PPFIBP1: variants seen among roughly 807,000 people sequenced by gnomAD.
PPFIBP1 encodes liprin-beta-1.
Under a neutral mutation model 137.8 loss-of-function variants are expected in PPFIBP1, and 112 were observed. The ratio of observed to expected loss-of-function variants is 0.81; its 90% CI spans 0.70 to 0.95. PPFIBP1 has a LOEUF of 0.95. Ranked by LOEUF, PPFIBP1 falls within the 40% of genes least tolerant of loss-of-function variation. The pLI is 0.00. For missense variants in PPFIBP1, 1,083 were observed against 1,196.6 expected (o/e 0.91, Z 1.40); for synonymous variants, 378 against 417.3 (o/e 0.91, Z 1.15).
intron 2 of PPFIBP1, among the ~76,000 whole-genome samples, chr12:27,603,546 G>T (rs1482389986): frequency 6.6e-6 from 1 of 152,170 alleles, no homozygotes; most frequent in East Asian, 1.9e-4. Context: ...TCCCCCACTG[G>T]ATTGGAGCCT....
intron 15 of PPFIBP1, 36 bp from the exon 16 acceptor site, chr12:27,673,731 C>T: frequency 6.4e-7 from 1 of 1,568,766 alleles, no homozygotes; most frequent in Non-Finnish European, 8.8e-7. Flanking sequence ...GGCACTGGAG[C>T]CACTTATTAT....
chr12:27,648,833 G>A (rs2058701950), intron 6 of PPFIBP1, among the ~76,000 whole-genome samples: 1 of 150,956 alleles, frequency 6.6e-6, no homozygotes, highest in Non-Finnish European at 1.5e-5. Context: ...GTAGAGGGGT[G>A]GTTACCATAG....
At position 27,635,088 on chromosome 12, in the gene PPFIBP1, G is replaced by C; in HGVS notation, c.243G>C (p.Thr81=). ...RCQIPDSTAE[T]LVEWLQSQMT... ...AGATCCCAGATTCAACAGCAGAAAC[G>C]CTTGTTGAATGGCTTCAGAGTCAAA... Residue 81 remains threonine, a synonymous_variant, in exon 4 of 30, where the codon ACG becomes ACC. Coordinates refer to ENST00000228425, the MANE Select transcript of PPFIBP1 (RefSeq NM_003622.4). The C allele has an allele frequency of 1.2e-6, 2 of 1,613,918 alleles. No homozygotes were observed. The highest frequency in any genetic ancestry group is 1.7e-6 in the Non-Finnish European group (2 of 1,179,920).
intron 2 of PPFIBP1, among the ~76,000 whole-genome samples, chr12:27,605,541 A>T (rs75211536): frequency 6.6e-6 from 1 of 152,176 alleles, no homozygotes; most frequent in African/African-American, 2.4e-5. Context: ...AATAGGTAAA[A>T]TTAATTTTTT....
Position 27,644,244 on chromosome 12 carries a change from G to GTTTTTTTTTTTTTT in PPFIBP1, c.271-1806_271-1793dup, listed in dbSNP as rs3842650. ...GGCGCACACCACCAAGCTTGGCTAA[G>GTTTTTTTTTTTTTT]TTTTTTTTTTTTTTTTTTTTTTTTT... is the stretch of plus-strand genomic sequence containing the variant. On this transcript the variant is annotated intron_variant, in intron 4 of 29. Transcript: ENST00000228425. Among the ~76,000 whole-genome samples, 785 of 117,528 alleles carry GTTTTTTTTTTTTTT rather than the reference G, an allele frequency of 6.7e-3. 33 individuals carry two copies. Among genetic ancestry groups the GTTTTTTTTTTTTTT allele is most frequent in the African/African-American group, 0.024 (741 of 30,258 alleles). 77.1% of individuals were successfully genotyped at this position (117,528 alleles called of 152,430 possible). A position where few individuals can be genotyped will look rare whatever the true frequency, so the allele number is the denominator to read the frequency against.
At chr12:27,571,652 G>C (rs1429465232) in intron 1 of PPFIBP1, among the ~76,000 whole-genome samples, 2 of 152,182 alleles carry the variant, frequency 1.3e-5, no homozygotes, top group Non-Finnish European at 2.9e-5. Flanking sequence ...TGACCTCACT[G>C]GGGTGTGTTA....
chr12:27,585,017 A>G (rs1194772373), intron 2 of PPFIBP1, among the ~76,000 whole-genome samples: 1 of 152,226 alleles, frequency 6.6e-6, no homozygotes, highest in Non-Finnish European at 1.5e-5. Flanking sequence ...TGTTCCTTAA[A>G]TTAACTTGCA....
intron 1 of PPFIBP1, among the ~76,000 whole-genome samples, chr12:27,541,843 C>T (rs1392362564): frequency 6.6e-6 from 1 of 152,138 alleles, no homozygotes; most frequent in Non-Finnish European, 1.5e-5. Context: ...GAGCTTCCGA[C>T]TCCAGGGCTG....
intron 2 of PPFIBP1, among the ~76,000 whole-genome samples, chr12:27,625,870 A>G (rs1174374233): frequency 1.3e-5 from 2 of 152,128 alleles, no homozygotes; most frequent in Non-Finnish European, 2.9e-5. Flanking sequence ...AGGGTGAGCC[A>G]CTGCGCCTGG....
At chr12:27,642,770 G>A (rs1254667395) in intron 4 of PPFIBP1, among the ~76,000 whole-genome samples, 4 of 151,962 alleles carry the variant, frequency 2.6e-5, no homozygotes. Context: ...ATGGAAGAAA[G>A]CTCATTAAAA....
rs1321766367 is a variant in PPFIBP1 at position 27,647,680 on chromosome 12, G to T, written c.358-49G>T. ...CATTTAGAGAAATAACGTATGCAGTGGGACCCAAATTCTTTTTCACTCATT... is the reference window on the plus strand; with the variant it reads ...CATTTAGAGAAATAACGTATGCAGTTGGACCCAAATTCTTTTTCACTCATT... On this transcript the variant is annotated intron_variant, in intron 5 of 29. Coordinates refer to ENST00000228425, the MANE Select transcript of PPFIBP1 (RefSeq NM_003622.4). 1.1e-5 allele frequency: 13 copies of T among 1,183,158 alleles called. No homozygotes were observed. The South Asian group carries it at 1.8e-4, about 16-fold the overall frequency. 73.3% of individuals were successfully genotyped at this position (1,183,158 alleles called of 1,614,324 possible).
intron 2 of PPFIBP1, among the ~76,000 whole-genome samples, chr12:27,612,228 CTT>C (rs1270958843): frequency 1.3e-5 from 2 of 151,836 alleles, no homozygotes; most frequent in African/African-American, 4.8e-5. Flanking sequence ...TACTCTGGGC[CTT>C]TCCCAGTTTC....
intron 2 of PPFIBP1, chr12:27,584,028 A>G (rs904757584): frequency 1.3e-5 from 2 of 152,166 alleles, no homozygotes; most frequent in South Asian, 4.1e-4. Flanking sequence ...TACTTTTCCT[A>G]GGGGAAATGC....
chr12:27,592,922 T>C (rs1233281187), intron 2 of PPFIBP1, among the ~76,000 whole-genome samples: 1 of 151,976 alleles, frequency 6.6e-6, no homozygotes, highest in Admixed American at 6.6e-5. Flanking sequence ...TGTGGATCAC[T>C]TGAGGTCAGG....
intron 1 of PPFIBP1, among the ~76,000 whole-genome samples, chr12:27,567,797 A>C (rs1370139215): frequency 1.3e-5 from 2 of 152,218 alleles, no homozygotes; most frequent in African/African-American, 2.4e-5. Flanking sequence ...GGTCTCAGTG[A>C]AGTTTAATCC....
intron 5 of PPFIBP1, chr12:27,646,393 G>T: frequency 4.0e-6 from 2 of 498,796 alleles, no homozygotes; most frequent in Non-Finnish European, 7.6e-6. Context: ...CGGGCACAAT[G>T]TTGTCTGATC....
chr12:27,562,169 T>A (rs903317603), intron 1 of PPFIBP1, among the ~76,000 whole-genome samples: 2 of 152,200 alleles, frequency 1.3e-5, no homozygotes, highest in Admixed American at 1.3e-4. Flanking sequence ...GTTTATTTAT[T>A]TATTTGCTGT....
intron 1 of PPFIBP1, among the ~76,000 whole-genome samples, chr12:27,529,369 A>G (rs1944139209): frequency 6.6e-6 from 1 of 152,206 alleles, no homozygotes; most frequent in Non-Finnish European, 1.5e-5. Flanking sequence ...AAGAGGTACT[A>G]AGGCTTTTTT....
At chr12:27,559,776 T>A (rs2049009698) in intron 1 of PPFIBP1, among the ~76,000 whole-genome samples, 1 of 152,146 alleles carries the variant, frequency 6.6e-6, no homozygotes, top group South Asian at 2.1e-4. Flanking sequence ...ACACAAAAAT[T>A]AAATGGTGAA....
Sources: gnomAD v4.1 joint callset for allele counts (sites outside exome capture counted in the v4.1 genomes callset) on GRCh38, gnomAD v4.1.1 for gene constraint, MANE v1.5 for transcripts, NCBI Gene and HGNC (gene_info 2026-07-23, HGNC 2026-07-21) for gene names.